RBFOX1: variants seen among roughly 807,000 people sequenced by gnomAD.
RBFOX1 encodes RNA binding fox-1 homolog 1.
In RBFOX1, 8 loss-of-function variants were observed where a neutral mutation model predicts 57.7. The observed-to-expected ratio is 0.14, with a 90% CI of 0.08 to 0.25. The LOEUF (loss-of-function observed/expected upper bound fraction) is 0.25, where lower values mean the gene tolerates loss of function less well. RBFOX1 is among the 10% of genes least tolerant of loss of function. The pLI is 1.00. For synonymous variants in RBFOX1, 326 were observed against 222.4 expected, an observed-to-expected ratio of 1.47 and a Z score of -4.15; for missense variants, 611 against 548.5, an observed-to-expected ratio of 1.11 and a Z score of -1.14.
At chr16:7,278,799 T>C (rs570106613) in intron 4 of RBFOX1, among the ~76,000 whole-genome samples, 20 of 152,352 alleles carry the variant, frequency 1.3e-4, no homozygotes, top group Admixed American at 7.8e-4. Flanking sequence ...TACACTGATA[T>C]TCATTCTGAA....
At chr16:6,751,762 C>A (rs2074968423) in intron 3 of RBFOX1, among the ~76,000 whole-genome samples, 1 of 152,084 alleles carries the variant, frequency 6.6e-6, no homozygotes, top group South Asian at 2.1e-4. Flanking sequence ...TGTTTACTGC[C>A]CCTGTGGTCT....
chr16:7,299,575 C>G (rs1304212493), intron 4 of RBFOX1, among the ~76,000 whole-genome samples: 1 of 152,236 alleles, frequency 6.6e-6, no homozygotes, highest in East Asian at 1.9e-4. Flanking sequence ...AAAAGGAGCG[C>G]TGTGCTCATT....
chr16:6,124,427 C>A (rs1429177692), intron 1 of RBFOX1, among the ~76,000 whole-genome samples: 4 of 152,088 alleles, frequency 2.6e-5, no homozygotes, highest in African/African-American at 9.7e-5. Flanking sequence ...CTAAGATGAC[C>A]CCTAGGGATT....
At chr16:5,436,130 C>T (rs1410534507) in intron 1 of RBFOX1, among the ~76,000 whole-genome samples, 2 of 152,188 alleles carry the variant, frequency 1.3e-5, no homozygotes, top group African/African-American at 2.4e-5. Flanking sequence ...GTCATTATGG[C>T]ACAAGGAGAC....
At chr16:5,401,768 C>G (rs519750) in intron 1 of RBFOX1, among the ~76,000 whole-genome samples, 387 of 121,684 alleles carry the variant, frequency 3.2e-3, no homozygotes, top group East Asian at 0.015. Context: ...TGTCTCTCTC[C>G]TCCTCCTCCT....
intron 14 of RBFOX1, among the ~76,000 whole-genome samples, chr16:7,697,269 A>C (rs2079092931): frequency 6.6e-6 from 1 of 152,128 alleles, no homozygotes; most frequent in African/African-American, 2.4e-5. Flanking sequence ...ATGGGAGAAC[A>C]AACAGGACAT....
intron 1 of RBFOX1, among the ~76,000 whole-genome samples, chr16:5,459,397 A>G (rs1003484062): frequency 6.6e-6 from 1 of 152,098 alleles, no homozygotes; most frequent in Non-Finnish European, 1.5e-5. Flanking sequence ...TGACACAGAG[A>G]GAAGACCCTT....
intron 3 of RBFOX1, among the ~76,000 whole-genome samples, chr16:5,722,568 G>T (rs1260423091): frequency 6.6e-6 from 1 of 152,094 alleles, no homozygotes; most frequent in Admixed American, 6.5e-5. Flanking sequence ...CCCTCAGTTT[G>T]GTCCCAGGAA....
intron 2 of RBFOX1, among the ~76,000 whole-genome samples, chr16:6,496,045 A>T (rs1480463540): frequency 6.6e-6 from 1 of 152,232 alleles, no homozygotes. Flanking sequence ...GAAGACAAGA[A>T]CAAGCGTATG....
chr16:6,281,780 C>A (rs180689411), intron 1 of RBFOX1, among the ~76,000 whole-genome samples: 3 of 152,226 alleles, frequency 2.0e-5, no homozygotes, highest in Non-Finnish European at 4.4e-5. Flanking sequence ...TTTTCACAGA[C>A]TCCTCTTAGA....
At chr16:7,094,692 G>C (rs1005958771) in intron 4 of RBFOX1, among the ~76,000 whole-genome samples, 2 of 148,720 alleles carry the variant, frequency 1.3e-5, no homozygotes, top group African/African-American at 5.0e-5. Flanking sequence ...GTTAGTGGTT[G>C]GGTGGTATGG....
intron 4 of RBFOX1, among the ~76,000 whole-genome samples, chr16:7,064,186 TG>T (rs2055340111): frequency 7.6e-6 from 1 of 132,392 alleles, no homozygotes. Flanking sequence ...TTTTTTTTTC[TG>T]AGGTGGAGTC....
At chr16:6,401,312 G>T (rs1441841101) in intron 2 of RBFOX1, among the ~76,000 whole-genome samples, 1 of 152,106 alleles carries the variant, frequency 6.6e-6, no homozygotes, top group East Asian at 1.9e-4. Flanking sequence ...TGAATGAAAG[G>T]CAAATGCATA....
rs139047735 is a variant in RBFOX1 at position 7,340,988 on chromosome 16, TCTG to T, written c.28-177150_28-177148del. 3.0e-3 allele frequency among the ~76,000 whole-genome samples: 452 copies of T among 152,312 alleles called. 1 individual carries two copies. Among genetic ancestry groups the T allele is most frequent in the Admixed American group, 4.2e-3 (64 of 15,304 alleles). ...TGGAAGACCTACGGATTTCACACTC[TCTG>T]CTGCTGCTTTGGTGTTCGGCAATGT... On this transcript the variant is annotated intron_variant, in intron 4 of 15. Transcript: ENST00000550418.
At chr16:5,865,027 C>G (rs2057314475) in intron 3 of RBFOX1, among the ~76,000 whole-genome samples, 1 of 152,126 alleles carries the variant, frequency 6.6e-6, no homozygotes, top group Admixed American at 6.5e-5. Context: ...TGGCTTCCAC[C>G]TAATGGGGGG....
At chr16:5,845,363 G>C (rs150552757) in intron 3 of RBFOX1, among the ~76,000 whole-genome samples, 1 of 152,162 alleles carries the variant, frequency 6.6e-6, no homozygotes, top group Non-Finnish European at 1.5e-5. Context: ...TTGAGTTTCA[G>C]ATCTCAGCTT....
At chr16:6,671,636 C>T (rs931315400) in intron 3 of RBFOX1, among the ~76,000 whole-genome samples, 3 of 152,118 alleles carry the variant, frequency 2.0e-5, no homozygotes, top group African/African-American at 7.2e-5. Flanking sequence ...CCGCCTGAGT[C>T]CCCAAAGTCC....
rs73488676 is a variant in RBFOX1 at position 7,599,612 on chromosome 16, A to G, written c.622+2181A>G. ...ATTTTAGAGGTGCAACATTGAGGCT[A>G]GAGAAGATGAAGAAATTAATAAAGA... On this transcript the variant is annotated intron_variant, in intron 9 of 15. Coordinates refer to ENST00000550418, the MANE Select transcript of RBFOX1 (RefSeq NM_018723.4). 4.1e-3 allele frequency among the ~76,000 whole-genome samples: 628 copies of G among 151,400 alleles called. 5 individuals carry two copies. The highest frequency in any genetic ancestry group is 0.015 in the African/African-American group (594 of 40,946).
At chr16:5,435,338 A>T (rs2067883423) in intron 1 of RBFOX1, among the ~76,000 whole-genome samples, 1 of 151,814 alleles carries the variant, frequency 6.6e-6, no homozygotes, top group Non-Finnish European at 1.5e-5. Context: ...AATTGGAGGG[A>T]TGTTTGTGGG....
Sources: gnomAD v4.1 joint callset for allele counts (sites outside exome capture counted in the v4.1 genomes callset) on GRCh38, gnomAD v4.1.1 for gene constraint, MANE v1.5 for transcripts, NCBI Gene and HGNC (gene_info 2026-07-23, HGNC 2026-07-21) for gene names.